The following ARHGAP44 variants were observed in gnomAD, a reference collection of about 807,000 sequenced individuals.
The protein encoded by ARHGAP44 is Rho GTPase activating protein 44.
In ARHGAP44, 43 loss-of-function variants were observed where a neutral mutation model predicts 106.8. That is an observed-to-expected ratio of 0.40 (90% CI 0.32 to 0.52). The LOEUF is 0.52. Among genes scored for constraint, ARHGAP44 ranks in the 20% least tolerant of loss-of-function variants. The pLI is 0.48. For synonymous variants in ARHGAP44, 439 were observed against 410.3 expected, an observed-to-expected ratio of 1.07 and a Z score of -0.85; for missense variants, 866 against 1,050.5, an observed-to-expected ratio of 0.82 and a Z score of 2.43.
intron 1 of ARHGAP44, among the ~76,000 whole-genome samples, chr17:12,844,442 G>A (rs182334383): frequency 6.0e-4 from 91 of 152,294 alleles, no homozygotes; most frequent in African/African-American, 2.0e-3. Context: ...ATTCGTTCAC[G>A]AGAACTCTGC....
intron 4 of ARHGAP44, among the ~76,000 whole-genome samples, chr17:12,911,776 G>A (rs1262443110): frequency 7.2e-5 from 11 of 152,130 alleles, no homozygotes; most frequent in Admixed American, 6.6e-4. Flanking sequence ...GAAGAGGCTC[G>A]AGTGATCTAA....
intron 1 of ARHGAP44, among the ~76,000 whole-genome samples, chr17:12,836,458 G>A (rs1344422230): frequency 6.6e-6 from 1 of 151,766 alleles, no homozygotes; most frequent in Non-Finnish European, 1.5e-5. Flanking sequence ...TACCATCCTG[G>A]CCAACATGGC....
rs1474920264 is a variant in ARHGAP44, at chr17:12,894,957, T to C, written c.71T>C (p.Val24Ala). 1 of 1,589,794 alleles carries C rather than the reference T, an allele frequency of 6.3e-7. No homozygotes were observed. The highest frequency in any genetic ancestry group is 2.3e-5 in the East Asian group (1 of 44,184). ...CTTTTTAGGGCTGAAAAGACAGAAGTTTTGAGTGAAGACCTTCTTCAGGTA... is the reference window on the plus strand; with the variant it reads ...CTTTTTAGGGCTGAAAAGACAGAAGCTTTGAGTGAAGACCTTCTTCAGGTA... ...QTVGRAEKTE[V>A]LSEDLLQVEK... Residue 24 changes from valine (V) to alanine (A), a missense_variant, in exon 2 of 21, where the codon GTT (valine) becomes GCT (alanine). Around this residue, in one of 2 missense-constraint regions of ARHGAP44, gnomAD observed 448 missense variants for 646.9 expected, o/e 0.69. Coordinates refer to ENST00000379672, the MANE Select transcript of ARHGAP44 (RefSeq NM_014859.6).
intron 1 of ARHGAP44, among the ~76,000 whole-genome samples, chr17:12,841,829 G>T (rs2035417422): frequency 6.6e-6 from 1 of 152,060 alleles, no homozygotes; most frequent in Non-Finnish European, 1.5e-5. Context: ...TATGTGATTT[G>T]GGAGGCCCTC....
At chr17:12,794,555 G>A (rs1232537405) in intron 1 of ARHGAP44, among the ~76,000 whole-genome samples, 1 of 152,230 alleles carries the variant, frequency 6.6e-6, no homozygotes, top group Non-Finnish European at 1.5e-5. Context: ...GATGTTCAAA[G>A]TGTCTGGGAG....
At chr17:12,940,442 C>T (rs1206375691) in intron 7 of ARHGAP44, among the ~76,000 whole-genome samples, 1 of 152,188 alleles carries the variant, frequency 6.6e-6, no homozygotes, top group East Asian at 1.9e-4. Flanking sequence ...CACCCAATCT[C>T]ATGGACAACT....
At position 12,937,049 on chromosome 17, in the gene ARHGAP44, C is replaced by T. The variant is rs533164934; in HGVS notation, c.583-4007C>T. 1.2e-3 allele frequency among the ~76,000 whole-genome samples: 182 copies of T among 152,306 alleles called. No individual in the cohort carries two copies. The South Asian group carries it at 0.013, about 11-fold the overall frequency. ...GGGGAAGCATTCATAGTGCTATGAT[C>T]GGTCTCTTTCTTTTGGTGAGCCTGT... On this transcript the variant is annotated intron_variant, in intron 7 of 20. Transcript: ENST00000379672.
chr17:12,798,353 A>G (rs773312685), intron 1 of ARHGAP44, among the ~76,000 whole-genome samples: 2 of 152,224 alleles, frequency 1.3e-5, no homozygotes, highest in Non-Finnish European at 2.9e-5. Flanking sequence ...ATTTTATTTT[A>G]CTTTGAGGTT....
chr17:12,983,515 G>A (rs750251183), intron 19 of ARHGAP44, among the ~76,000 whole-genome samples: 7 of 151,998 alleles, frequency 4.6e-5, no homozygotes, highest in Non-Finnish European at 8.8e-5. Flanking sequence ...TGAAAAATGC[G>A]GTTGATTGGC....
chr17:12,863,063 G>A (rs1011905491), intron 1 of ARHGAP44, among the ~76,000 whole-genome samples: 5 of 151,980 alleles, frequency 3.3e-5, no homozygotes, highest in African/African-American at 1.2e-4. Flanking sequence ...TGAGGCAGGA[G>A]GGTCGCTTGG....
chr17:12,930,210 TTTC>T (rs775715804), intron 7 of ARHGAP44, among the ~76,000 whole-genome samples: 2 of 152,132 alleles, frequency 1.3e-5, no homozygotes, highest in African/African-American at 2.4e-5. Flanking sequence ...TTTACTGTGT[TTTC>T]TTTTTTTATT....
intron 3 of ARHGAP44, among the ~76,000 whole-genome samples, chr17:12,897,841 TGGTAGGC>T (rs1220388760): frequency 6.6e-6 from 1 of 151,786 alleles, no homozygotes; most frequent in Non-Finnish European, 1.5e-5. Context: ...CCTTTGGTGT[TGGTAGGC>T]GGATTAGTAC....
At chr17:12,813,802 C>T (rs1474835640) in intron 1 of ARHGAP44, among the ~76,000 whole-genome samples, 1 of 150,630 alleles carries the variant, frequency 6.6e-6, no homozygotes, top group Non-Finnish European at 1.5e-5. Context: ...CACCCCACAT[C>T]ACATATAACC....
chr17:12,807,939 T>C (rs1424940840), intron 1 of ARHGAP44, among the ~76,000 whole-genome samples: 2 of 152,178 alleles, frequency 1.3e-5, no homozygotes, highest in African/African-American at 4.8e-5. Context: ...GATACAATGG[T>C]TACAATGTGG....
intron 18 of ARHGAP44, among the ~76,000 whole-genome samples, chr17:12,977,805 C>T (rs995772108): frequency 2.6e-5 from 4 of 151,862 alleles, no homozygotes; most frequent in African/African-American, 9.7e-5. Context: ...TTTGGGTGGC[C>T]GAGGGGGGTG....
intron 16 of ARHGAP44, among the ~76,000 whole-genome samples, chr17:12,965,268 A>T: frequency 6.6e-6 from 1 of 152,102 alleles, no homozygotes; most frequent in Admixed American, 6.5e-5. Flanking sequence ...AACCCGACGC[A>T]CCTACTGTCA....
chr17:12,877,630 G>C (rs1466446227), intron 1 of ARHGAP44, among the ~76,000 whole-genome samples: 1 of 151,990 alleles, frequency 6.6e-6, no homozygotes, highest in African/African-American at 2.4e-5. Flanking sequence ...GGCGTCTGTA[G>C]TCCCAGCTAC....
intron 7 of ARHGAP44, among the ~76,000 whole-genome samples, chr17:12,935,203 G>A (rs1598081477): frequency 6.6e-6 from 1 of 152,062 alleles, no homozygotes; most frequent in Non-Finnish European, 1.5e-5. Context: ...TACTCAAAAA[G>A]AGAACACTTT....
intron 1 of ARHGAP44, among the ~76,000 whole-genome samples, chr17:12,815,325 G>T (rs1358619529): frequency 6.6e-6 from 1 of 152,106 alleles, no homozygotes; most frequent in Non-Finnish European, 1.5e-5. Context: ...CACTTATTCT[G>T]TGAGGGAAAT....
Sources: allele counts gnomAD v4.1 joint callset (sites outside exome capture counted in the v4.1 genomes callset), GRCh38; gene constraint gnomAD v4.1.1; regional missense constraint gnomAD v4.1.1; transcripts MANE v1.5; gene names NCBI Gene and HGNC (gene_info 2026-07-23, HGNC 2026-07-21).